The following LDB2 variants were observed in gnomAD, a reference collection of about 807,000 sequenced individuals.
LDB2 encodes the protein LIM domain-binding protein 2.
In LDB2, 12 loss-of-function variants were observed where a neutral mutation model predicts 44.3. The ratio of observed to expected loss-of-function variants is 0.27; its 90% CI spans 0.17 to 0.44. The LOEUF (loss-of-function observed/expected upper bound fraction) is 0.44. Ranked by LOEUF, LDB2 falls within the 20% of genes least tolerant of loss-of-function variation. The pLI is 1.00. For missense variants in LDB2, 344 were observed against 473.5 expected, an observed-to-expected ratio of 0.73 and a Z score of 2.54; for synonymous variants, 164 against 174.8, an observed-to-expected ratio of 0.94 and a Z score of 0.49.
intron 2 of LDB2, among the ~76,000 whole-genome samples, chr4:16,599,825 G>A (rs977664154): frequency 9.9e-5 from 15 of 152,038 alleles, no homozygotes; most frequent in Admixed American, 2.6e-4. Flanking sequence ...CATGGTTGAC[G>A]GTCGATGCTG....
At position 16,669,074 on chromosome 4, in the gene LDB2, C is replaced by G. The variant is rs80051739; in HGVS notation, c.236-73199G>C. Among the ~76,000 whole-genome samples the G allele has an allele frequency of 2.6e-4, 40 of 152,310 alleles. No individual in the cohort carries two copies. The East Asian group carries it at 3.3e-3, about 12-fold the overall frequency. On this transcript the variant is annotated intron_variant, in intron 2 of 7. Transcript: ENST00000304523. ...GTGGTGCTCAGAGGAAAACTAAGAG[C>G]AGGGAGCTGTTACCAGAAAGTGGAG...
chr4:16,728,204 A>G (rs1680687195), intron 2 of LDB2, among the ~76,000 whole-genome samples: 1 of 152,194 alleles, frequency 6.6e-6, no homozygotes, highest in African/African-American at 2.4e-5. Context: ...GGGATAAACA[A>G]TAAAATTTAT....
chr4:16,720,252 G>A (rs2658511), intron 2 of LDB2, among the ~76,000 whole-genome samples: 1 of 151,888 alleles, frequency 6.6e-6, no homozygotes, highest in Admixed American at 6.6e-5. Flanking sequence ...TAGATAATGA[G>A]AGGTGGAGGG....
At chr4:16,763,439 TACACACACAC>T (rs56114847) in intron 1 of LDB2, among the ~76,000 whole-genome samples, 12 of 141,192 alleles carry the variant, frequency 8.5e-5, no homozygotes, top group South Asian at 4.8e-4. Context: ...TGTAAACACG[TACACACACAC>T]ACACACACAC....
chr4:16,615,084 A>C (rs1303775771), intron 2 of LDB2, among the ~76,000 whole-genome samples: 1 of 150,764 alleles, frequency 6.6e-6, no homozygotes, highest in Non-Finnish European at 1.5e-5. Context: ...AAAAAAAAAA[A>C]AAAAAAAAGT....
At chr4:16,596,345 G>A (rs1720902612) in intron 2 of LDB2, among the ~76,000 whole-genome samples, 1 of 152,046 alleles carries the variant, frequency 6.6e-6, no homozygotes, top group African/African-American at 2.4e-5. Flanking sequence ...TTTGTAGTGT[G>A]TAAAGTATTT....
Position 16,791,053 on chromosome 4 carries a change from T to G in LDB2, c.133-31793A>C, listed in dbSNP as rs140739494. 5.1e-4 allele frequency among the ~76,000 whole-genome samples: 78 copies of G among 152,254 alleles called. No individual in the cohort carries two copies. In the East Asian group the frequency reaches 0.014, roughly 28 times the overall value. ...CAGAAAATCTACTTACATAACTACT[T>G]GTCATTATCAACTACCAGGTTAGCT... On this transcript the variant is annotated intron_variant, in intron 1 of 7. Transcript: ENST00000304523.
At chr4:16,574,163 T>A (rs1270167071) in intron 5 of LDB2, among the ~76,000 whole-genome samples, 1 of 152,166 alleles carries the variant, frequency 6.6e-6, no homozygotes, top group Non-Finnish European at 1.5e-5. Flanking sequence ...AAAATCTTCA[T>A]TCACTTGGGA....
At chr4:16,810,904 A>G (rs1009251890) in intron 1 of LDB2, among the ~76,000 whole-genome samples, 2 of 152,172 alleles carry the variant, frequency 1.3e-5, no homozygotes, top group African/African-American at 2.4e-5. Flanking sequence ...ACAGTCCCCA[A>G]CATTTTTGGC....
intron 2 of LDB2, among the ~76,000 whole-genome samples, chr4:16,740,623 ACT>A (rs1257886613): frequency 3.3e-5 from 5 of 152,192 alleles, no homozygotes; most frequent in African/African-American, 1.2e-4. Flanking sequence ...GAACTCATGG[ACT>A]TCTGGGACAT....
At chr4:16,756,671 T>C (rs1246213813) in intron 2 of LDB2, among the ~76,000 whole-genome samples, 2 of 152,186 alleles carry the variant, frequency 1.3e-5, no homozygotes, top group East Asian at 3.9e-4. Context: ...GAGCTACCTA[T>C]TATGTATGAG....
chr4:16,859,859 T>C (rs554920890), intron 1 of LDB2, among the ~76,000 whole-genome samples: 10 of 152,338 alleles, frequency 6.6e-5, no homozygotes, highest in African/African-American at 2.4e-4. Context: ...AAGTGACATA[T>C]ATTGAACGTT....
intron 2 of LDB2, among the ~76,000 whole-genome samples, chr4:16,673,742 G>T (rs1745521041): frequency 6.6e-6 from 1 of 152,140 alleles, no homozygotes. Context: ...GGCCAGGGAT[G>T]CTGCCAAACA....
At chr4:16,649,514 C>T (rs1737692762) in intron 2 of LDB2, among the ~76,000 whole-genome samples, 1 of 152,212 alleles carries the variant, frequency 6.6e-6, no homozygotes, top group Non-Finnish European at 1.5e-5. Flanking sequence ...AGTTAGTACA[C>T]AGAGGGCATT....
intron 5 of LDB2, among the ~76,000 whole-genome samples, chr4:16,528,595 C>T (rs969739343): frequency 7.9e-5 from 12 of 152,174 alleles, no homozygotes; most frequent in African/African-American, 2.9e-4. Flanking sequence ...GGGCCTTCGG[C>T]CAGCCTTGCT....
chr4:16,664,072 A>G (rs1372430122), intron 2 of LDB2, among the ~76,000 whole-genome samples: 4 of 152,160 alleles, frequency 2.6e-5, no homozygotes, highest in South Asian at 2.1e-4. Flanking sequence ...TGTCTTCTAT[A>G]GTCTGAAGGT....
At chr4:16,741,163 T>C (rs1288828363) in intron 2 of LDB2, among the ~76,000 whole-genome samples, 1 of 152,254 alleles carries the variant, frequency 6.6e-6, no homozygotes. Flanking sequence ...CCTGTCATTC[T>C]GGGGCAGATC....
rs368503614 is a variant in LDB2 at position 16,891,382 on chromosome 4, G to A, written c.132+6972C>T. Reference sequence around the variant, plus strand: ...GGGTGGAGTGCAGTGGGACAATCTCGGCTCACTGCAGCCTCCGTCTCCCAG... The same window carrying A: ...GGGTGGAGTGCAGTGGGACAATCTCAGCTCACTGCAGCCTCCGTCTCCCAG... On this transcript the variant is annotated intron_variant, in intron 1 of 7. Transcript: ENST00000304523. Among the ~76,000 whole-genome samples, 327 of 140,536 alleles carry A rather than the reference G, an allele frequency of 2.3e-3. 1 individual carries two copies. Among genetic ancestry groups the A allele is most frequent in the Middle Eastern group, 4.2e-3 (1 of 238 alleles). 92.2% of individuals were successfully genotyped at this position (140,536 alleles called of 152,430 possible).
chr4:16,507,422 G>C (rs545280491), intron 7 of LDB2, among the ~76,000 whole-genome samples: 1 of 152,194 alleles, frequency 6.6e-6, no homozygotes, highest in South Asian at 2.1e-4. Flanking sequence ...GGGCAGATGT[G>C]AAAGACACAC....
Sources: allele counts gnomAD v4.1 joint callset (sites outside exome capture counted in the v4.1 genomes callset), GRCh38; gene constraint gnomAD v4.1.1; transcripts MANE v1.5; gene names NCBI Gene and HGNC (gene_info 2026-07-23, HGNC 2026-07-21).